PAMR1: variants seen among roughly 807,000 people sequenced by gnomAD.
PAMR1 encodes the protein peptidase domain containing associated with muscle regeneration 1, also known as inactive serine protease PAMR1.
Under a neutral mutation model 81.8 loss-of-function variants are expected in PAMR1, and 88 were observed. The observed-to-expected ratio is 1.08, with a 90% CI of 0.91 to 1.28. The LOEUF (loss-of-function observed/expected upper bound fraction) is 1.28, where lower values mean the gene tolerates loss of function less well. Among genes scored for constraint, PAMR1 ranks in the 50% most tolerant of loss-of-function variants. The pLI is 0.00. For missense variants in PAMR1, 935 were observed against 919.7 expected (o/e 1.02, Z -0.21); for synonymous variants, 336 against 345.3 (o/e 0.97, Z 0.30).
In PAMR1 at chr11:35,434,722, G is replaced by T; in HGVS notation, c.1416C>A (p.Thr472=). 1 of 1,614,164 alleles carries T rather than the reference G, an allele frequency of 6.2e-7. No individual in the cohort carries two copies. Among genetic ancestry groups the T allele is most frequent in the Non-Finnish European group, 8.5e-7 (1 of 1,180,022 alleles). Residue 472 remains threonine, a synonymous_variant, in exon 10 of 11, where the codon ACC becomes ACA. Coordinates refer to ENST00000619888, the MANE Select transcript of PAMR1 (RefSeq NM_001001991.3). ...WPWQAAIYRR[T]SGVHDGSLHK... The stretch of plus-strand genomic sequence containing the variant: ...GTAGGCTGCCGTCATGCACCCCGCT[G>T]GTCCTCCTGTAGATGGCTGCCTGCC...
At chr11:35,468,216 TG>T (rs1856792172) in intron 5 of PAMR1, 108 bp from the exon 6 acceptor site, 8 of 635,872 alleles carry the variant, frequency 1.3e-5, no homozygotes, top group Non-Finnish European at 1.9e-5. Context: ...CTTCTTGCAA[TG>T]TTTTTTCTTC....
At position 35,488,985 on chromosome 11, in the gene PAMR1, C is replaced by A. The variant is rs138610739; in HGVS notation, c.379+3060G>T. Among the ~76,000 whole-genome samples the A allele has an allele frequency of 2.6e-5, 4 of 152,244 alleles. No homozygotes were observed. The East Asian group carries it at 7.7e-4, about 29-fold the overall frequency. ...TGACCTTTCTGCCTTTGAAACACTG[C>A]CCCCAGCTTCCAGAACCCTACTCCT... On this transcript the variant is annotated intron_variant, in intron 3 of 10. Coordinates refer to ENST00000619888, the MANE Select transcript of PAMR1 (RefSeq NM_001001991.3).
At position 35,432,627 on chromosome 11, in the gene PAMR1, T is replaced by TCA. The variant is rs758362043; in HGVS notation, c.1890_1891dup (p.Glu631ValfsTer12). ...GATGCCATGGTCCTCATGCTGCTCC[T>TCA]CACACAGCAGCGAGTCCACCACACT... On this transcript the variant is annotated frameshift_variant, in exon 11 of 11. Coordinates refer to ENST00000619888, the MANE Select transcript of PAMR1 (RefSeq NM_001001991.3). LOFTEE classifies it high-confidence loss of function. 1 of 1,614,056 alleles carries TCA rather than the reference T, an allele frequency of 6.2e-7. No homozygotes were observed. Among genetic ancestry groups the TCA allele is most frequent in the South Asian group, 1.1e-5 (1 of 91,032 alleles).
chr11:35,515,702 C>A (rs1851150311), intron 1 of PAMR1, among the ~76,000 whole-genome samples: 1 of 152,174 alleles, frequency 6.6e-6, no homozygotes. Flanking sequence ...TGCCACCAGC[C>A]CTATTTCAAA....
At chr11:35,522,763 T>C (rs55884179) in intron 1 of PAMR1, among the ~76,000 whole-genome samples, 33,699 of 152,024 alleles carry the variant, frequency 0.22, 3,904 homozygotes, top group Non-Finnish European at 0.25. Context: ...GGAACCATAC[T>C]TGTATATCCT....
At chr11:35,502,717 C>A (rs1011626090) in intron 1 of PAMR1, among the ~76,000 whole-genome samples, 2 of 152,128 alleles carry the variant, frequency 1.3e-5, no homozygotes, top group African/African-American at 4.8e-5. Flanking sequence ...TGTTTTAGCA[C>A]ATTGTATCTT....
intron 8 of PAMR1, among the ~76,000 whole-genome samples, chr11:35,439,189 G>A (rs967301404): frequency 1.3e-5 from 2 of 152,184 alleles, no homozygotes; most frequent in Non-Finnish European, 2.9e-5. Context: ...TTTGTCTCTA[G>A]TTCTTGGGCT....
At chr11:35,492,458 T>C (rs561613528) in intron 2 of PAMR1, among the ~76,000 whole-genome samples, 1 of 152,310 alleles carries the variant, frequency 6.6e-6, no homozygotes, top group Admixed American at 6.5e-5. Flanking sequence ...GAAGAATCTA[T>C]CAATATAGAG....
At chr11:35,478,835 CGTGTGTGT>C (rs111660645) in intron 3 of PAMR1, among the ~76,000 whole-genome samples, 1 of 149,610 alleles carries the variant, frequency 6.7e-6, no homozygotes, top group African/African-American at 2.4e-5. Flanking sequence ...GGTGTGTGGG[CGTGTGTGT>C]GTGTGTGTGT....
intron 6 of PAMR1, among the ~76,000 whole-genome samples, chr11:35,447,425 G>A (rs761833301): frequency 9.2e-5 from 14 of 151,860 alleles, no homozygotes; most frequent in African/African-American, 1.7e-4. Flanking sequence ...AGGATGGCTC[G>A]ATCTCCTGAC....
At chr11:35,434,404 T>C (rs1855984133) in intron 10 of PAMR1, 108 bp downstream of exon 10, 2 of 1,057,508 alleles carry the variant, frequency 1.9e-6, no homozygotes, top group Non-Finnish European at 2.8e-6. Flanking sequence ...GGCTCTGGGC[T>C]GGCTGCTGAC....
At chr11:35,499,363 C>T (rs1422783079) in intron 1 of PAMR1, among the ~76,000 whole-genome samples, 1 of 152,122 alleles carries the variant, frequency 6.6e-6, no homozygotes, top group African/African-American at 2.4e-5. Context: ...TGGCTCATGC[C>T]TCACCCCCTC....
chr11:35,474,669 C>T lies in PAMR1; in HGVS notation c.455G>A (p.Trp152Ter), dbSNP rs367593122. 4 of 1,609,624 alleles carry T rather than the reference C, an allele frequency of 2.5e-6. No homozygotes were observed. In the African/African-American group the frequency reaches 5.4e-5, roughly 22 times the overall value. ...ESYPLNAHCE[W>*]TIHAKPGFVI... ...AAACCCAGGTTTAGCATGAATGGTC[C>T]ATTCACAGTGAGCATTTAGGGGATA... is the stretch of plus-strand genomic sequence containing the variant. The change falls in exon 4 of 11, where the codon TGG becomes TAG. Residue 152 changes from tryptophan (W) to a stop codon, truncating the protein, a stop_gained. Transcript: ENST00000619888. LOFTEE classifies it high-confidence loss of function.
intron 3 of PAMR1, among the ~76,000 whole-genome samples, chr11:35,484,672 A>G (rs1456245078): frequency 6.6e-6 from 1 of 152,224 alleles, no homozygotes; most frequent in Non-Finnish European, 1.5e-5. Flanking sequence ...GACTAAGAAG[A>G]TAAATGTATT....
intron 6 of PAMR1, among the ~76,000 whole-genome samples, chr11:35,459,074 C>G (rs1856596352): frequency 6.6e-6 from 1 of 152,162 alleles, no homozygotes; most frequent in African/African-American, 2.4e-5. Context: ...CTCATTCTCT[C>G]TCTATGTGAA....
chr11:35,515,134 C>T (rs1204472806), intron 1 of PAMR1, among the ~76,000 whole-genome samples: 8 of 152,186 alleles, frequency 5.3e-5, no homozygotes, highest in African/African-American at 1.9e-4. Context: ...TTTCCCAAGA[C>T]CCAAGAATTC....
chr11:35,459,052 G>C (rs1006578657), intron 6 of PAMR1, among the ~76,000 whole-genome samples: 1 of 152,176 alleles, frequency 6.6e-6, no homozygotes, highest in Non-Finnish European at 1.5e-5. Flanking sequence ...CTGGGGGTGT[G>C]AATGAGAAAT....
upstream of PAMR1, among the ~76,000 whole-genome samples, chr11:35,528,604 CTGTTT>C (rs1468488680): frequency 2.0e-5 from 3 of 151,316 alleles, no homozygotes; most frequent in Non-Finnish European, 2.9e-5. Flanking sequence ...TCTTGTTAAT[CTGTTT>C]TTTCTTTTTT....
rs1439382529 is a variant in PAMR1, at chr11:35,439,646, G to A, written c.1081C>T (p.Pro361Ser). Reference protein sequence around the residue: ...ISDLVRRRVLPMQVQSRETPL... With the variant: ...ISDLVRRRVLSMQVQSRETPL... ...CCTCACCTTGACTGAACCTGCATCG[G>A]AAGAACTCTCCTTCTCACCAGGTCT... Residue 361 changes from proline to serine, a missense_variant, in exon 8 of 11, where the codon CCG becomes TCG. Physicochemically the swap from Pro to Ser is moderately conservative, Grantham distance 74 (BLOSUM62 -1). Coordinates refer to ENST00000619888, the MANE Select transcript of PAMR1 (RefSeq NM_001001991.3). 3 of 1,613,878 alleles carry A rather than the reference G, an allele frequency of 1.9e-6. No individual in the cohort carries two copies. The highest frequency in any genetic ancestry group is 2.5e-6 in the Non-Finnish European group (3 of 1,179,852).
Sources: gnomAD v4.1 joint callset for allele counts (sites outside exome capture counted in the v4.1 genomes callset) on GRCh38, gnomAD v4.1.1 for gene constraint, MANE v1.5 for transcripts, NCBI Gene and HGNC (gene_info 2026-07-23, HGNC 2026-07-21) for gene names.